PLD5: variants seen among roughly 807,000 people sequenced by gnomAD.
PLD5 encodes inactive phospholipase D5.
A neutral mutation model predicts 61.1 loss-of-function variants in PLD5; 36 were observed. That is an observed-to-expected ratio of 0.59 (90% CI 0.45 to 0.78). The LOEUF is 0.78. PLD5 is among the 30% of genes least tolerant of loss of function. The probability of loss-of-function intolerance (pLI) is 0.00; values close to 1 mark genes in which losing one functional copy is unlikely to be tolerated. For missense variants in PLD5, 515 were observed against 644.4 expected (o/e 0.80, Z 2.17); for synonymous variants, 243 against 242.8 (o/e 1.00, Z -0.01).
intron 5 of PLD5, among the ~76,000 whole-genome samples, chr1:242,196,946 T>C (rs894174036): frequency 2.0e-5 from 3 of 152,180 alleles, no homozygotes; most frequent in African/African-American, 7.2e-5. Flanking sequence ...TTATTATTTT[T>C]TAGAGACAGG....
intron 4 of PLD5, among the ~76,000 whole-genome samples, chr1:242,259,522 C>T (rs928713029): frequency 4.6e-5 from 7 of 152,098 alleles, no homozygotes; most frequent in Non-Finnish European, 7.4e-5. Context: ...AAGAATGAGA[C>T]TGAAACGAGA....
chr1:242,473,337 A>T (rs1412165744), intron 1 of PLD5, among the ~76,000 whole-genome samples: 1 of 152,254 alleles, frequency 6.6e-6, no homozygotes, highest in African/African-American at 2.4e-5. Flanking sequence ...TATGTCCTTG[A>T]GTAAATCAAG....
chr1:242,527,114 CTTTTTTTTTTTTT>C (rs530334746), upstream of PLD5, among the ~76,000 whole-genome samples: 32 of 71,974 alleles, frequency 4.4e-4, no homozygotes, highest in South Asian at 6.5e-3. Flanking sequence ...CTATCTCCTT[CTTTTTTTTTTTTT>C]TTTTTTTTTT....
At chr1:242,302,741 C>A (rs1376664474) in intron 2 of PLD5, among the ~76,000 whole-genome samples, 1 of 152,166 alleles carries the variant, frequency 6.6e-6, no homozygotes, top group African/African-American at 2.4e-5. Context: ...TTAAATTAAA[C>A]TTCAAAAATG....
intron 8 of PLD5, among the ~76,000 whole-genome samples, chr1:242,103,382 T>G (rs976114249): frequency 6.6e-6 from 1 of 152,244 alleles, no homozygotes; most frequent in Non-Finnish European, 1.5e-5. Flanking sequence ...AGCTCCCTTC[T>G]TTGACTTCAT....
chr1:242,463,067 T>C (rs974503857), intron 1 of PLD5, among the ~76,000 whole-genome samples: 14 of 152,190 alleles, frequency 9.2e-5, no homozygotes, highest in Non-Finnish European at 1.9e-4. Context: ...GCGAACGCTC[T>C]GTAATGTCAA....
intron 1 of PLD5, among the ~76,000 whole-genome samples, chr1:242,402,007 A>C (rs1663961752): frequency 6.6e-6 from 1 of 152,224 alleles, no homozygotes; most frequent in South Asian, 2.1e-4. Context: ...TCCACATAGA[A>C]TATTCTCCCA....
chr1:242,463,594 A>G (rs1667185595), intron 1 of PLD5, among the ~76,000 whole-genome samples: 1 of 151,990 alleles, frequency 6.6e-6, no homozygotes, highest in South Asian at 2.1e-4. Flanking sequence ...CACAGACCAC[A>G]CTGCCTTCTC....
rs1427872266 is a variant in PLD5 at position 242,317,318 on chromosome 1, A to G, written c.327-28788T>C. Among the ~76,000 whole-genome samples, 7 of 152,310 alleles carry G rather than the reference A, an allele frequency of 4.6e-5. No individual in the cohort carries two copies. The East Asian group carries it at 1.4e-3, about 29-fold the overall frequency. ...GCATGAGCCACTGCGCCTGGCCTCC[A>G]CTATTGATGAACATTTAGGTTGATT... On this transcript the variant is annotated intron_variant, in intron 2 of 9. Transcript: ENST00000536534.
intron 4 of PLD5, among the ~76,000 whole-genome samples, chr1:242,263,517 G>A (rs1673487439): frequency 6.6e-6 from 1 of 150,642 alleles, no homozygotes; most frequent in Admixed American, 6.6e-5. Flanking sequence ...ACTTATACAT[G>A]TTCTACATAC....
At chr1:242,306,895 A>C (rs1676398255) in intron 2 of PLD5, among the ~76,000 whole-genome samples, 1 of 152,274 alleles carries the variant, frequency 6.6e-6, no homozygotes, top group Admixed American at 6.5e-5. Context: ...TCACATATTT[A>C]TCATTAATTT....
intron 1 of PLD5, among the ~76,000 whole-genome samples, chr1:242,454,187 G>A (rs1049540061): frequency 1.4e-4 from 22 of 152,130 alleles, no homozygotes; most frequent in Middle Eastern, 3.4e-3. Context: ...AAAAATATTC[G>A]CCAGGTGTGG....
chr1:242,111,211 C>G (rs1553300946), intron 7 of PLD5, among the ~76,000 whole-genome samples: 1 of 152,100 alleles, frequency 6.6e-6, no homozygotes, highest in Non-Finnish European at 1.5e-5. Flanking sequence ...TGTCTGCCAC[C>G]ATGCCCAGCT....
intron 3 of PLD5, among the ~76,000 whole-genome samples, chr1:242,273,725 G>T (rs1674245545): frequency 6.6e-6 from 1 of 152,188 alleles, no homozygotes; most frequent in Admixed American, 6.5e-5. Flanking sequence ...ATTATCTGAG[G>T]ATAATCCTAA....
intron 2 of PLD5, among the ~76,000 whole-genome samples, chr1:242,340,334 C>T (rs1250603246): frequency 6.6e-6 from 1 of 152,048 alleles, no homozygotes; most frequent in Non-Finnish European, 1.5e-5. Flanking sequence ...CAAATGGGAT[C>T]TTCCAAATTT....
At chr1:242,250,159 A>G (rs1354243468) in intron 4 of PLD5, among the ~76,000 whole-genome samples, 1 of 152,196 alleles carries the variant, frequency 6.6e-6, no homozygotes, top group Non-Finnish European at 1.5e-5. Context: ...CCAGAGAAAA[A>G]CGGTATACTC....
intron 6 of PLD5, among the ~76,000 whole-genome samples, chr1:242,114,585 T>C (rs1316791911): frequency 6.6e-6 from 1 of 152,216 alleles, no homozygotes; most frequent in East Asian, 1.9e-4. Context: ...AAGCTTCATC[T>C]GTATTTACAG....
intron 1 of PLD5, among the ~76,000 whole-genome samples, chr1:242,404,311 GAAGA>G (rs1487021986): frequency 6.6e-6 from 1 of 152,176 alleles, no homozygotes; most frequent in African/African-American, 2.4e-5. Flanking sequence ...AAGGGTAGAT[GAAGA>G]AAGATGGGAA....
chr1:242,394,656 G>T lies in PLD5; in HGVS notation c.190-46414C>A, dbSNP rs1430222774. 1.4e-4 allele frequency among the ~76,000 whole-genome samples: 5 copies of T among 35,256 alleles called. 1 individual carries two copies. Among genetic ancestry groups the T allele is most frequent in the Non-Finnish European group, 2.3e-4 (5 of 21,800 alleles). 23.1% of individuals were successfully genotyped at this position (35,256 alleles called of 152,430 possible). ...TGAACATATATATGTGTATATATGT[G>T]AACATATATATGTGTATATATGTGA... On this transcript the variant is annotated intron_variant, in intron 1 of 9. Transcript: ENST00000536534.
Sources: allele counts gnomAD v4.1 joint callset (sites outside exome capture counted in the v4.1 genomes callset), GRCh38; gene constraint gnomAD v4.1.1; transcripts MANE v1.5; gene names NCBI Gene and HGNC (gene_info 2026-07-23, HGNC 2026-07-21).